CDH13: variants seen among roughly 807,000 people sequenced by gnomAD.
The protein encoded by CDH13 is cadherin-13.
In CDH13, 24 loss-of-function variants were observed where a neutral mutation model predicts 63.8. The ratio of observed to expected loss-of-function variants is 0.38; its 90% CI spans 0.27 to 0.53. The LOEUF is 0.53. CDH13 is among the 20% of genes least tolerant of loss of function. CDH13 has a pLI of 0.85. For synonymous variants in CDH13, 503 were observed against 355.3 expected, an observed-to-expected ratio of 1.42 and a Z score of -4.67; for missense variants, 1,049 against 903.1, an observed-to-expected ratio of 1.16 and a Z score of -2.07.
At chr16:83,739,816 C>T (rs771047448) in intron 10 of CDH13, 3 of 152,184 alleles carry the variant, frequency 2.0e-5, no homozygotes, top group Non-Finnish European at 2.9e-5. Flanking sequence ...ATGCATTCAA[C>T]AACTGAGTAC....
intron 5 of CDH13, among the ~76,000 whole-genome samples, chr16:83,238,681 A>G (rs1312551915): frequency 6.6e-6 from 1 of 152,170 alleles, no homozygotes; most frequent in Non-Finnish European, 1.5e-5. Flanking sequence ...CTTTCATCTC[A>G]GGCACCTAAA....
intron 4 of CDH13, 84 bp downstream of exon 4, chr16:83,125,585 C>A: frequency 2.8e-6 from 2 of 721,288 alleles, no homozygotes; most frequent in South Asian, 1.7e-5. Flanking sequence ...GTCTTGGTGA[C>A]CAGCTGGAAT....
intron 13 of CDH13, among the ~76,000 whole-genome samples, chr16:83,788,079 ATGTT>A (rs1916006153): frequency 6.6e-6 from 1 of 152,228 alleles, no homozygotes; most frequent in Non-Finnish European, 1.5e-5. Context: ...ACGTACATGT[ATGTT>A]TGTGTGCACG....
intron 10 of CDH13, among the ~76,000 whole-genome samples, chr16:83,687,057 A>G (rs547158269): frequency 6.6e-6 from 1 of 152,254 alleles, no homozygotes; most frequent in African/African-American, 2.4e-5. Context: ...TAAAAATACA[A>G]AAAAAGTTAG....
intron 1 of CDH13, among the ~76,000 whole-genome samples, chr16:82,848,177 G>T (rs575151551): frequency 6.6e-6 from 1 of 152,228 alleles, no homozygotes; most frequent in Non-Finnish European, 1.5e-5. Context: ...GCAAGCTTCA[G>T]CTGGTGAGTG....
chr16:83,632,423 G>A lies in CDH13; in HGVS notation c.1101+29829G>A, dbSNP rs144549791. Reference sequence around the variant, plus strand: ...TTTGGTAATGAAGGCCAGCAGCTCCGTGCATGACAAGGTGCTGAATGCTTT... The same window carrying A: ...TTTGGTAATGAAGGCCAGCAGCTCCATGCATGACAAGGTGCTGAATGCTTT... On this transcript the variant is annotated intron_variant, in intron 8 of 13. Transcript: ENST00000567109. Among the ~76,000 whole-genome samples, 50 of 152,178 alleles carry A rather than the reference G, an allele frequency of 3.3e-4. No homozygotes were observed. In the East Asian group the frequency reaches 7.4e-3, roughly 23 times the overall value.
intron 1 of CDH13, among the ~76,000 whole-genome samples, chr16:82,760,814 G>A (rs2034806392): frequency 2.0e-5 from 3 of 151,998 alleles, no homozygotes; most frequent in Non-Finnish European, 4.4e-5. Flanking sequence ...GAGCAGGCAT[G>A]TCACATGGTG....
At chr16:83,232,576 C>A (rs1306077574) in intron 5 of CDH13, among the ~76,000 whole-genome samples, 1 of 150,934 alleles carries the variant, frequency 6.6e-6, no homozygotes, top group Non-Finnish European at 1.5e-5. Context: ...AAGTGTGGCA[C>A]CTCCCTTCCC....
chr16:83,047,366 T>A lies in CDH13; in HGVS notation c.366+15148T>A, dbSNP rs1242632970. On this transcript the variant is annotated intron_variant, in intron 3 of 13. Coordinates refer to ENST00000567109, the MANE Select transcript of CDH13 (RefSeq NM_001257.5). This position sits in a 1 kb window ranked among gnomAD's most constrained non-coding sequence, Gnocchi z 4.9. The stretch of plus-strand genomic sequence containing the variant: ...CGTGGTTAACACAGATAATTGAGAC[T>A]TGAGTGCTTTTTTATTCCAAGTCCC... Among the ~76,000 whole-genome samples, 1 of 152,228 alleles carries A rather than the reference T, an allele frequency of 6.6e-6. No individual in the cohort carries two copies. The highest frequency in any genetic ancestry group is 1.5e-5 in the Non-Finnish European group (1 of 68,046).
chr16:83,384,990 C>G (rs75981187), intron 6 of CDH13, among the ~76,000 whole-genome samples: 1,915 of 152,328 alleles, frequency 0.013, 40 homozygotes, highest in African/African-American at 0.044. Context: ...TCTCCTGGCC[C>G]TCTTTCAAAC....
chr16:83,098,104 C>G (rs2034294908), intron 3 of CDH13, among the ~76,000 whole-genome samples: 1 of 152,128 alleles, frequency 6.6e-6, no homozygotes, highest in Admixed American at 6.5e-5. Flanking sequence ...TGGCTTATAA[C>G]AAAGAGGAAA....
chr16:83,151,831 A>C (rs1289049703), intron 4 of CDH13, among the ~76,000 whole-genome samples: 1 of 152,132 alleles, frequency 6.6e-6, no homozygotes, highest in Non-Finnish European at 1.5e-5. Flanking sequence ...GTGTGGTGGC[A>C]CATGTCTGTA....
intron 3 of CDH13, among the ~76,000 whole-genome samples, chr16:83,123,206 A>T (rs1315651277): frequency 6.6e-6 from 1 of 151,834 alleles, no homozygotes. Flanking sequence ...ATCTTTATAG[A>T]TATGTTTATA....
chr16:83,018,611 G>C lies in CDH13; in HGVS notation c.158-13399G>C, dbSNP rs191435204. ...GAATTGCTTTAGGCCCCTCCAGTAT[G>C]GTCATGCATTGTTTAACCATAGGGA... On this transcript the variant is annotated intron_variant, in intron 2 of 13. Transcript: ENST00000567109. Among the ~76,000 whole-genome samples the C allele has an allele frequency of 1.9e-3, 290 of 152,232 alleles. 1 individual carries two copies. Among genetic ancestry groups the C allele is most frequent in the Middle Eastern group, 0.017 (5 of 294 alleles).
intron 2 of CDH13, among the ~76,000 whole-genome samples, chr16:82,945,642 A>G (rs554004302): frequency 4.4e-4 from 67 of 152,264 alleles, no homozygotes; most frequent in African/African-American, 1.6e-3. Context: ...TTTGCTGTGA[A>G]GATACCGCAG....
rs1555531232 is a variant in CDH13 at position 82,860,393 on chromosome 16, G to GGC, written c.157+1921_157+1922insCG. 1.8e-3 allele frequency among the ~76,000 whole-genome samples: 236 copies of GGC among 132,766 alleles called. 9 individuals carry two copies. The highest frequency in any genetic ancestry group is 4.4e-3 in the African/African-American group (161 of 36,188). The allele number at this position is 132,766 out of a possible 152,430, so 87.1% of individuals were successfully genotyped here. On this transcript the variant is annotated intron_variant, in intron 2 of 13. Transcript: ENST00000567109. ...CACAGTTGTGTGTGTGTGTGTGGGG[G>GGC]GGGGGGCGGCGGTGTGCGTGTGTGC...
At chr16:83,126,761 C>T (rs1379392626) in intron 4 of CDH13, among the ~76,000 whole-genome samples, 1 of 152,194 alleles carries the variant, frequency 6.6e-6, no homozygotes, top group Non-Finnish European at 1.5e-5. Context: ...ATCTTAATGG[C>T]AGTTGCTGTT....
At chr16:83,381,628 A>C (rs939411162) in intron 6 of CDH13, among the ~76,000 whole-genome samples, 1 of 150,782 alleles carries the variant, frequency 6.6e-6, no homozygotes, top group Non-Finnish European at 1.5e-5. Flanking sequence ...AATTCCAACC[A>C]CTCTCACCTA....
intron 4 of CDH13, among the ~76,000 whole-genome samples, chr16:83,212,444 C>T (rs765268595): frequency 1.3e-5 from 2 of 152,178 alleles, no homozygotes; most frequent in East Asian, 1.9e-4. Context: ...ATGCTTTCCT[C>T]GCCAAGCTTC....
Sources: allele counts gnomAD v4.1 joint callset (sites outside exome capture counted in the v4.1 genomes callset), GRCh38; gene constraint gnomAD v4.1.1; non-coding constraint Gnocchi (gnomAD v3.1); transcripts MANE v1.5; gene names NCBI Gene and HGNC (gene_info 2026-07-23, HGNC 2026-07-21).